The following NCKAP5 variants were observed in gnomAD, a reference collection of about 807,000 sequenced individuals.
NCKAP5 encodes nck-associated protein 5.
In NCKAP5, 92 loss-of-function variants were observed where a neutral mutation model predicts 167.0. The observed-to-expected ratio is 0.55, with a 90% CI of 0.47 to 0.66. The LOEUF (loss-of-function observed/expected upper bound fraction) is 0.66, where lower values mean the gene tolerates loss of function less well. NCKAP5 is among the 30% of genes least tolerant of loss of function. The pLI, the probability that NCKAP5 is intolerant of heterozygous loss-of-function variation, is 0.00. For missense variants in NCKAP5, 2,378 were observed against 2,315.0 expected (o/e 1.03, Z -0.56); for synonymous variants, 891 against 877.4 (o/e 1.02, Z -0.27).
intron 13 of NCKAP5, among the ~76,000 whole-genome samples, chr2:132,786,741 C>T (rs1683602746): frequency 6.6e-6 from 1 of 152,148 alleles, no homozygotes; most frequent in South Asian, 2.1e-4. Flanking sequence ...TCAGAACAGA[C>T]AACTGAGACT....
chr2:133,051,851 G>C (rs1006175060), intron 6 of NCKAP5, among the ~76,000 whole-genome samples: 4 of 152,124 alleles, frequency 2.6e-5, no homozygotes, highest in Admixed American at 2.6e-4. Flanking sequence ...AGATGAAAAT[G>C]GTTAAAAGAT....
intron 3 of NCKAP5, among the ~76,000 whole-genome samples, chr2:133,470,722 T>A (rs1192487583): frequency 6.6e-6 from 1 of 152,174 alleles, no homozygotes; most frequent in Admixed American, 6.5e-5. Flanking sequence ...GGTGCGCCGT[T>A]TTTTAAGCCT....
At chr2:132,981,340 C>T (rs2149268265) in intron 7 of NCKAP5, among the ~76,000 whole-genome samples, 1 of 152,232 alleles carries the variant, frequency 6.6e-6, no homozygotes, top group Admixed American at 6.5e-5. Flanking sequence ...AGCCCTGAGA[C>T]AGCAGGCCAG....
intron 3 of NCKAP5, among the ~76,000 whole-genome samples, chr2:133,505,072 G>A (rs927232384): frequency 6.6e-6 from 1 of 152,190 alleles, no homozygotes; most frequent in African/African-American, 2.4e-5. Context: ...TGTGCACAGG[G>A]AGTCATTGTA....
intron 3 of NCKAP5, among the ~76,000 whole-genome samples, chr2:133,374,879 A>C (rs1272968681): frequency 1.3e-5 from 2 of 152,168 alleles, no homozygotes; most frequent in African/African-American, 4.8e-5. Flanking sequence ...GCACTCACTA[A>C]ACTTTCTGCC....
At position 133,196,821 on chromosome 2, in the gene NCKAP5, G is replaced by C. The variant is rs78617253; in HGVS notation, c.207+16895C>G. Among the ~76,000 whole-genome samples the C allele has an allele frequency of 3.9e-3, 598 of 152,224 alleles. 31 individuals carry two copies. The East Asian group carries it at 0.1, about 26-fold the overall frequency. On this transcript the variant is annotated intron_variant, in intron 5 of 19. Coordinates refer to ENST00000409261, the MANE Select transcript of NCKAP5 (RefSeq NM_207363.3). ...GAGAAGCAGGGACTTACAATGTTTA[G>C]TTTTTTCCTAGTTTCCCTTCTCTTG...
intron 6 of NCKAP5, among the ~76,000 whole-genome samples, chr2:132,996,489 C>A (rs2149317390): frequency 6.6e-6 from 1 of 152,214 alleles, no homozygotes; most frequent in African/African-American, 2.4e-5. Context: ...TATTTCAACC[C>A]TCTTTTCAAA....
chr2:133,076,608 C>A (rs551484760), intron 6 of NCKAP5, among the ~76,000 whole-genome samples: 48 of 152,332 alleles, frequency 3.2e-4, no homozygotes, highest in East Asian at 1.9e-3. Context: ...TTTTTGCATT[C>A]ACCTAAAAGA....
In NCKAP5 at chr2:132,680,497, C is replaced by A. The variant is rs138941061; in HGVS notation, c.5714-7192G>T. On this transcript the variant is annotated intron_variant, in intron 19 of 19. Coordinates refer to ENST00000409261, the MANE Select transcript of NCKAP5 (RefSeq NM_207363.3). ...AACCCAGAGGGGGGAAATAAACTCACTTTTTGAGAAAAAGAGCAAGCAAAG... is the reference window on the plus strand; with the variant it reads ...AACCCAGAGGGGGGAAATAAACTCAATTTTTGAGAAAAAGAGCAAGCAAAG... 2.1e-3 allele frequency among the ~76,000 whole-genome samples: 313 copies of A among 152,252 alleles called. 1 individual carries two copies. Among genetic ancestry groups the A allele is most frequent in the African/African-American group, 7.2e-3 (301 of 41,530 alleles).
chr2:133,136,998 GA>G (rs1181367326), intron 5 of NCKAP5, among the ~76,000 whole-genome samples: 1 of 152,110 alleles, frequency 6.6e-6, no homozygotes, highest in Non-Finnish European at 1.5e-5. Flanking sequence ...CACATCAGCA[GA>G]AAAATTAATG....
intron 5 of NCKAP5, among the ~76,000 whole-genome samples, chr2:133,155,228 C>G (rs936148558): frequency 6.6e-6 from 1 of 152,168 alleles, no homozygotes; most frequent in East Asian, 1.9e-4. Flanking sequence ...AACAGGAGAT[C>G]AGAGGAAGGA....
intron 3 of NCKAP5, among the ~76,000 whole-genome samples, chr2:133,408,480 C>T (rs1688581708): frequency 6.6e-6 from 1 of 152,056 alleles, no homozygotes; most frequent in Non-Finnish European, 1.5e-5. Flanking sequence ...ATTGCTGACT[C>T]ACCCCCATCC....
At chr2:132,903,514 G>T (rs1693783402) in intron 8 of NCKAP5, among the ~76,000 whole-genome samples, 1 of 152,214 alleles carries the variant, frequency 6.6e-6, no homozygotes, top group Non-Finnish European at 1.5e-5. Flanking sequence ...ACAAATGTAT[G>T]TTGACAGACC....
intron 18 of NCKAP5, among the ~76,000 whole-genome samples, chr2:132,727,931 A>G (rs1690623483): frequency 6.6e-6 from 1 of 152,216 alleles, no homozygotes; most frequent in Non-Finnish European, 1.5e-5. Context: ...ATGTGGGTGA[A>G]TCTGGGTATC....
At chr2:133,132,589 T>C (rs762301874) in intron 5 of NCKAP5, among the ~76,000 whole-genome samples, 5 of 150,708 alleles carry the variant, frequency 3.3e-5, no homozygotes, top group Admixed American at 6.6e-5. Context: ...TAAAATATAT[T>C]CCCTTCAAAT....
intron 6 of NCKAP5, among the ~76,000 whole-genome samples, chr2:133,059,585 ATC>A (rs1348310500): frequency 6.6e-6 from 1 of 151,952 alleles, no homozygotes; most frequent in Non-Finnish European, 1.5e-5. Flanking sequence ...TGGTGAGAGG[ATC>A]GCTTAAGCCC....
At chr2:133,591,373 C>T in the NCKAP5 span, among the ~76,000 whole-genome samples, 1 of 152,174 alleles carries the variant, frequency 6.6e-6, no homozygotes, top group Non-Finnish European at 1.5e-5. Context: ...CTTTCTGCTG[C>T]CAGGGGAGCT....
intron 7 of NCKAP5, among the ~76,000 whole-genome samples, chr2:132,972,794 C>T (rs1028212981): frequency 6.7e-6 from 1 of 149,882 alleles, no homozygotes; most frequent in Non-Finnish European, 1.5e-5. Context: ...ACCCAGGAAG[C>T]AGAGGTTGCA....
intron 2 of NCKAP5, among the ~76,000 whole-genome samples, chr2:133,539,765 A>G (rs1006675585): frequency 1.9e-4 from 29 of 152,258 alleles, no homozygotes; most frequent in Non-Finnish European, 1.2e-4. Context: ...AAGAGAAAAA[A>G]TATCCATTCA....
Sources: gnomAD v4.1 joint callset for allele counts (sites outside exome capture counted in the v4.1 genomes callset) on GRCh38, gnomAD v4.1.1 for gene constraint, MANE v1.5 for transcripts, NCBI Gene and HGNC (gene_info 2026-07-23, HGNC 2026-07-21) for gene names.